The following OR11A1 variants were observed in gnomAD, a reference collection of about 807,000 sequenced individuals.
OR11A1 encodes olfactory receptor 11A1.
For missense variants in OR11A1, 380 were observed against 378.2 expected (o/e 1.00, Z -0.04); for synonymous variants, 158 against 152.2 (o/e 1.04, Z -0.28).
intron 4 of OR11A1, chr6:29,428,244 C>T (rs1782991128): frequency 3.0e-6 from 3 of 985,536 alleles, no homozygotes; most frequent in African/African-American, 1.7e-5. Context: ...CTTATATATT[C>T]TTCACTTATT....
At position 29,430,306 on chromosome 6, in the gene OR11A1, G is replaced by C. The variant is rs6910208; in HGVS notation, c.-145C>G. 2.8e-3 allele frequency: 2,711 copies of C among 985,326 alleles called. 33 individuals are homozygous for C. Among genetic ancestry groups the C allele is most frequent in the African/African-American group, 0.026 (1,518 of 57,304 alleles). The allele number at this position is 985,326 out of a possible 1,614,324, so 61.0% of individuals were successfully genotyped here. On this transcript the variant is annotated 5_prime_UTR_variant, in exon 3 of 5. It adds an upstream start codon to the 5' untranslated region. Coordinates refer to ENST00000377149, the MANE Select transcript of OR11A1 (RefSeq NM_001394828.1). ...CTCTAAAGCTATTCTCTTACCCTTT[G>C]ATCCCATCTGCATTTCCTTGTGAGT...
intron 1 of OR11A1, among the ~76,000 whole-genome samples, chr6:29,443,227 A>T (rs910604749): frequency 6.6e-6 from 1 of 152,184 alleles, no homozygotes; most frequent in Admixed American, 6.5e-5. Flanking sequence ...CACGAAATGA[A>T]CATATCCAGC....
chr6:29,455,597 T>C (rs1234025709), intron 1 of OR11A1, among the ~76,000 whole-genome samples: 3 of 152,156 alleles, frequency 2.0e-5, no homozygotes, highest in Non-Finnish European at 2.9e-5. Flanking sequence ...GGCTTGACCA[T>C]AGTAATCATT....
chr6:29,446,290 G>A (rs542623818), intron 1 of OR11A1, among the ~76,000 whole-genome samples: 1 of 152,178 alleles, frequency 6.6e-6, no homozygotes, highest in African/African-American at 2.4e-5. Flanking sequence ...CTGCAGCCCA[G>A]ACCCACTTCC....
chr6:29,436,852 G>A (rs766418057), intron 1 of OR11A1, among the ~76,000 whole-genome samples: 5 of 152,184 alleles, frequency 3.3e-5, no homozygotes, highest in Non-Finnish European at 5.9e-5. Flanking sequence ...GATAAAATAC[G>A]GAATTCAGTC....
In OR11A1 at chr6:29,427,421, A is replaced by C; in HGVS notation, c.221T>G (p.Leu74Arg). Residue 74 changes from leucine (L) to arginine (R), a missense_variant, in exon 5 of 5, where the codon CTC becomes CGC. Leu to Arg is a moderately radical substitution (Grantham distance 102). Transcript: ENST00000377149. ...TTTTGGCATCACTGCGGAGGTGTAGAGAATATCCAGGAAGGACAGATTCGC... is the reference window on the plus strand; with the variant it reads ...TTTTGGCATCACTGCGGAGGTGTAGCGAATATCCAGGAAGGACAGATTCGC... ...FLANLSFLDILYTSAVMPKML... is the reference protein window; with the variant it reads ...FLANLSFLDIRYTSAVMPKML... 1.2e-6 allele frequency: 2 copies of C among 1,613,126 alleles called. No homozygotes were observed. Among genetic ancestry groups the C allele is most frequent in the South Asian group, 2.2e-5 (2 of 91,082 alleles).
intron 1 of OR11A1, chr6:29,440,882 C>T: frequency 6.2e-7 from 1 of 1,613,868 alleles, no homozygotes; most frequent in South Asian, 1.1e-5. Flanking sequence ...CCATCATCTA[C>T]AGCCTGCGGA....
chr6:29,431,278 G>T (rs1463368771), intron 2 of OR11A1, among the ~76,000 whole-genome samples: 1 of 151,588 alleles, frequency 6.6e-6, no homozygotes, highest in Non-Finnish European at 1.5e-5. Context: ...TGAAATGTCT[G>T]CTAAACAAAC....
At chr6:29,428,756 C>CAAAAAAAAAAA (rs11424255) in intron 4 of OR11A1, among the ~76,000 whole-genome samples, 157 bp downstream of exon 4, 1 of 47,886 alleles carries the variant, frequency 2.1e-5, no homozygotes, top group African/African-American at 8.7e-5. Context: ...AACTCCATCT[C>CAAAAAAAAAAA]AAAAAAAAAA....
chr6:29,447,954 C>G (rs1182423659), intron 1 of OR11A1, among the ~76,000 whole-genome samples: 1 of 148,928 alleles, frequency 6.7e-6, no homozygotes, highest in Non-Finnish European at 1.5e-5. Context: ...TTTAGCCAGT[C>G]TATAGCACTC....
At chr6:29,446,499 A>C (rs533602249) in intron 1 of OR11A1, among the ~76,000 whole-genome samples, 1 of 152,338 alleles carries the variant, frequency 6.6e-6, no homozygotes, top group South Asian at 2.1e-4. Flanking sequence ...GCCAAGCCAC[A>C]ACCTTCTTAA....
chr6:29,440,590 C>T (rs1784065160), intron 1 of OR11A1: 1 of 1,613,912 alleles, frequency 6.2e-7, no homozygotes, highest in Middle Eastern at 1.6e-4. Context: ...GGAGACACCT[C>T]GCTTAATGAA....
chr6:29,441,135 A>T (rs1003533487), intron 1 of OR11A1, among the ~76,000 whole-genome samples: 1 of 152,196 alleles, frequency 6.6e-6, no homozygotes, highest in African/African-American at 2.4e-5. Flanking sequence ...CAACACATAC[A>T]TATTCTATTC....
intron 1 of OR11A1, among the ~76,000 whole-genome samples, chr6:29,434,538 A>G (rs890006744): frequency 1.3e-5 from 2 of 152,248 alleles, no homozygotes; most frequent in Non-Finnish European, 2.9e-5. Flanking sequence ...TCTCAGAGCT[A>G]AATCTCACTT....
intron 1 of OR11A1, among the ~76,000 whole-genome samples, chr6:29,456,304 C>A (rs1208123450): frequency 5.3e-5 from 8 of 150,960 alleles, no homozygotes; most frequent in South Asian, 2.1e-4. Flanking sequence ...GGGCGGATCA[C>A]GAGGTCAGGA....
intron 1 of OR11A1, among the ~76,000 whole-genome samples, chr6:29,434,861 T>A (rs913288730): frequency 6.6e-6 from 1 of 152,174 alleles, no homozygotes; most frequent in African/African-American, 2.4e-5. Flanking sequence ...GAAAAATACA[T>A]TTCTACCTTC....
chr6:29,445,415 CAG>C (rs1316323008), intron 1 of OR11A1, among the ~76,000 whole-genome samples: 1 of 152,130 alleles, frequency 6.6e-6, no homozygotes, highest in African/African-American at 2.4e-5. Context: ...AAAGAAGAAA[CAG>C]AGGCAGGCTG....
At position 29,430,308 on chromosome 6, in the gene OR11A1, T is replaced by G; in HGVS notation, c.-147A>C. 1 of 985,438 alleles carries G rather than the reference T, an allele frequency of 1.0e-6. No individual in the cohort carries two copies. The highest frequency in any genetic ancestry group is 1.2e-6 in the Non-Finnish European group (1 of 829,944). The allele number at this position is 985,438 out of a possible 1,614,324, so 61.0% of individuals were successfully genotyped here. ...CTAAAGCTATTCTCTTACCCTTTGA[T>G]CCCATCTGCATTTCCTTGTGAGTGA... is the stretch of plus-strand genomic sequence containing the variant. On this transcript the variant is annotated 5_prime_UTR_variant, in exon 3 of 5. Transcript: ENST00000377149.
chr6:29,436,813 T>C (rs558549532), intron 1 of OR11A1, among the ~76,000 whole-genome samples: 12 of 152,352 alleles, frequency 7.9e-5, no homozygotes, highest in South Asian at 4.1e-4. Context: ...GTCAGCTGTA[T>C]CTTCAGTTCT....
Sources: gnomAD v4.1 joint callset for allele counts (sites outside exome capture counted in the v4.1 genomes callset) on GRCh38, gnomAD v4.1.1 for gene constraint, MANE v1.5 for transcripts, NCBI Gene and HGNC (gene_info 2026-07-23, HGNC 2026-07-21) for gene names.